Variants in ANK2 observed in about 807,000 individuals in gnomAD.
ANK2 encodes ankyrin-2.
In ANK2, 83 loss-of-function variants were observed where a neutral mutation model predicts 360.5. The ratio of observed to expected loss-of-function variants is 0.23; its 90% CI spans 0.19 to 0.28. The LOEUF (loss-of-function observed/expected upper bound fraction) is 0.28. Among genes scored for constraint, ANK2 ranks in the 10% least tolerant of loss-of-function variants. The pLI is 1.00. For missense variants in ANK2, 4,201 were observed against 4,795.7 expected, an observed-to-expected ratio of 0.88 and a Z score of 3.66; for synonymous variants, 1,740 against 1,759.5, an observed-to-expected ratio of 0.99 and a Z score of 0.28.
chr4:113,364,223 A>G (rs1244307485), intron 40 of ANK2, among the ~76,000 whole-genome samples: 3 of 152,194 alleles, frequency 2.0e-5, no homozygotes, highest in Non-Finnish European at 1.5e-5. Context: ...TCTTTCTTAA[A>G]TGTATGTGTA....
chr4:113,160,389 A>G, intron 1 of ANK2: 1 of 416,640 alleles, frequency 2.4e-6, no homozygotes, highest in Admixed American at 2.8e-5. Context: ...TTGAAAAACA[A>G]ATGTAATCTT....
chr4:112,986,926 A>G (rs949702153), intron 2 of ANK2, among the ~76,000 whole-genome samples: 1 of 152,168 alleles, frequency 6.6e-6, no homozygotes, highest in Non-Finnish European at 1.5e-5. Context: ...TCCATTTTTT[A>G]CATATCAGCT....
chr4:112,773,973 G>C, the ANK2 span, among the ~76,000 whole-genome samples: 1 of 151,650 alleles, frequency 6.6e-6, no homozygotes, highest in African/African-American at 2.4e-5. Context: ...GCTAATTTTT[G>C]TATTTTTAGT....
the ANK2 span, among the ~76,000 whole-genome samples, chr4:112,722,419 T>G: frequency 1.3e-5 from 2 of 152,174 alleles, no homozygotes; most frequent in Non-Finnish European, 2.9e-5. Context: ...TTAGGGTGTT[T>G]CCACTAACTG....
intron 2 of ANK2, among the ~76,000 whole-genome samples, chr4:112,923,752 A>G (rs1272014598): frequency 2.0e-5 from 3 of 151,974 alleles, no homozygotes; most frequent in South Asian, 4.2e-4. Context: ...CACTTTTACT[A>G]TGTTGTTAAG....
Position 113,373,154 on chromosome 4 carries a change from G to C in ANK2, c.11675G>C (p.Gly3892Ala), listed in dbSNP as rs1311323688. The C allele has an allele frequency of 3.1e-6, 5 of 1,613,962 alleles. No individual in the cohort carries two copies. The African/African-American group carries it at 6.7e-5, about 22-fold the overall frequency. The change falls in exon 44 of 46, where the codon GGA becomes GCA. Residue 3892 changes from glycine to alanine, a missense_variant. Coordinates refer to ENST00000357077, the MANE Select transcript of ANK2 (RefSeq NM_001148.6). ...VTEEEYIDEH[G>A]HTVVKKVTRK... ...GAAGAAGAATACATTGATGAGCATG[G>C]ACACACCGTGGTAAAGAAGGTATTG...
At chr4:112,918,379 A>G (rs1467324297) in intron 2 of ANK2, among the ~76,000 whole-genome samples, 2 of 152,162 alleles carry the variant, frequency 1.3e-5, no homozygotes, top group Non-Finnish European at 2.9e-5. Context: ...TGGGAAAGTG[A>G]CATCAACAAG....
In ANK2 at chr4:113,333,172, G is replaced by A. The variant is rs1467007859; in HGVS notation, c.3343G>A (p.Asp1115Asn). The A allele has an allele frequency of 6.2e-7, 1 of 1,614,206 alleles. No individual in the cohort carries two copies. Among genetic ancestry groups the A allele is most frequent in the East Asian group, 2.2e-5 (1 of 44,892 alleles). ...AGAGCATTTCTGTGACTACACTGAA[G>A]ATGAATTGAATGAAATTCTTAACGG... Reference protein sequence around the residue: ...WKEHFCDYTEDELNEILNGMD... With the variant: ...WKEHFCDYTENELNEILNGMD... Residue 1115 changes from aspartate to asparagine, a missense_variant, in exon 29 of 46, where the codon GAT (aspartate) becomes AAT (asparagine). By Grantham distance (23) the Asp-to-Asn change is conservative. This residue lies in a region of ANK2 where 1,268 missense variants were observed against 1,650.8 expected (regional missense o/e 0.77). Coordinates refer to ENST00000357077, the MANE Select transcript of ANK2 (RefSeq NM_001148.6).
chr4:113,136,989 CT>C (rs1314330016), intron 1 of ANK2, among the ~76,000 whole-genome samples: 18 of 152,052 alleles, frequency 1.2e-4, no homozygotes, highest in African/African-American at 4.3e-4. Flanking sequence ...AACTCCTGAC[CT>C]CAAGTGATCC....
intron 2 of ANK2, among the ~76,000 whole-genome samples, chr4:113,191,227 C>T (rs1371835158): frequency 2.0e-5 from 3 of 152,128 alleles, no homozygotes; most frequent in African/African-American, 7.2e-5. Flanking sequence ...CCTGTAATAC[C>T]AACTACTCGG....
At chr4:112,990,593 A>G (rs1228051094) in intron 2 of ANK2, among the ~76,000 whole-genome samples, 1 of 151,992 alleles carries the variant, frequency 6.6e-6, no homozygotes, top group Non-Finnish European at 1.5e-5. Flanking sequence ...CCTCATCTAG[A>G]TCAATATTTC....
intron 1 of ANK2, among the ~76,000 whole-genome samples, chr4:113,093,892 A>G (rs2089778771): frequency 6.6e-6 from 1 of 152,208 alleles, no homozygotes; most frequent in Non-Finnish European, 1.5e-5. Context: ...GTACCAAAAT[A>G]TCAACTCTAT....
intron 2 of ANK2, among the ~76,000 whole-genome samples, chr4:113,022,190 C>A (rs2058330452): frequency 6.6e-6 from 1 of 152,128 alleles, no homozygotes; most frequent in South Asian, 2.1e-4. Context: ...TTTGATAATA[C>A]AAATAAATGT....
In ANK2 at chr4:113,316,312, C is replaced by T. The variant is rs548780226; in HGVS notation, c.2694-1395C>T. On this transcript the variant is annotated intron_variant, in intron 24 of 45. Coordinates refer to ENST00000357077, the MANE Select transcript of ANK2 (RefSeq NM_001148.6). ...CAACTCTTTTTATTCATGTCATTTA[C>T]CCTTTAAGACTTTTTTTGGAATATA... Among the ~76,000 whole-genome samples the T allele has an allele frequency of 1.8e-4, 27 of 152,238 alleles. No homozygotes were observed. The South Asian group carries it at 3.7e-3, about 21-fold the overall frequency.
chr4:113,380,392 G>A (rs891027771), intron 45 of ANK2, among the ~76,000 whole-genome samples: 9 of 152,184 alleles, frequency 5.9e-5, no homozygotes, highest in African/African-American at 9.7e-5. Context: ...CCAATGTGGT[G>A]GCTCACACCT....
At chr4:113,199,454 C>T (rs193261928) in intron 4 of ANK2, among the ~76,000 whole-genome samples, 7 of 151,910 alleles carry the variant, frequency 4.6e-5, no homozygotes, top group Non-Finnish European at 7.4e-5. Flanking sequence ...ATTCTCTTTC[C>T]GTAAATTTAA....
At chr4:113,049,634 C>A, upstream of ANK2, 20 of 1,487,288 alleles carry the variant, frequency 1.3e-5, no homozygotes, top group East Asian at 8.1e-5. Flanking sequence ...CCCTCCTCCT[C>A]CTCCTGCTTT....
intron 43 of ANK2, chr4:113,372,388 C>T (rs914998953): frequency 6.8e-5 from 39 of 569,880 alleles, no homozygotes; most frequent in Middle Eastern, 3.3e-4. Flanking sequence ...GAGACCAGCA[C>T]GTATTTGTTT....
chr4:113,246,706 TCTTA>T (rs1405198928), intron 9 of ANK2, among the ~76,000 whole-genome samples: 2 of 152,310 alleles, frequency 1.3e-5, no homozygotes, highest in East Asian at 1.9e-4. Context: ...GAATCACCCT[TCTTA>T]CTTGTTATTA....
Sources: gnomAD v4.1 joint callset for allele counts (sites outside exome capture counted in the v4.1 genomes callset) on GRCh38, gnomAD v4.1.1 for gene constraint, gnomAD v4.1.1 regional missense constraint, MANE v1.5 for transcripts, NCBI Gene and HGNC (gene_info 2026-07-23, HGNC 2026-07-21) for gene names.